RGS7: variants seen among roughly 807,000 people sequenced by gnomAD.
The protein encoded by RGS7 is regulator of G-protein signaling 7.
Under a neutral mutation model 81.1 loss-of-function variants are expected in RGS7, and 27 were observed. The observed-to-expected ratio is 0.33, with a 90% CI of 0.25 to 0.46. RGS7 has a LOEUF of 0.46. Among genes scored for constraint, RGS7 ranks in the 20% least tolerant of loss-of-function variants. RGS7 has a pLI of 1.00. For missense variants in RGS7, 396 were observed against 607.4 expected (o/e 0.65, Z 3.66); for synonymous variants, 208 against 207.7 (o/e 1.00, Z -0.01).
chr1:240,884,403 G>A (rs1240159202), intron 6 of RGS7, among the ~76,000 whole-genome samples: 18 of 152,282 alleles, frequency 1.2e-4, no homozygotes, highest in Non-Finnish European at 1.5e-5. Context: ...CTAATTCAGC[G>A]TTCAAGGTAA....
intron 11 of RGS7, among the ~76,000 whole-genome samples, chr1:240,815,853 A>C (rs1690715467): frequency 6.6e-6 from 1 of 152,230 alleles, no homozygotes; most frequent in Admixed American, 6.5e-5. Context: ...AGTGGTGATA[A>C]GAAAAAACTT....
chr1:240,837,324 C>G (rs1307697460), intron 9 of RGS7, among the ~76,000 whole-genome samples: 1 of 152,158 alleles, frequency 6.6e-6, no homozygotes, highest in Non-Finnish European at 1.5e-5. Flanking sequence ...TGATTATTTC[C>G]CTACAAAAAG....
chr1:240,908,054 A>G (rs1011183127), intron 6 of RGS7, among the ~76,000 whole-genome samples: 1 of 151,832 alleles, frequency 6.6e-6, no homozygotes, highest in Admixed American at 6.6e-5. Context: ...CATAGCCACC[A>G]TGGTTAACTT....
At chr1:240,903,815 C>T (rs1670396589) in intron 6 of RGS7, among the ~76,000 whole-genome samples, 1 of 152,078 alleles carries the variant, frequency 6.6e-6, no homozygotes, top group Non-Finnish European at 1.5e-5. Flanking sequence ...TTAAAAAGAG[C>T]CTTGCACTTT....
intron 3 of RGS7, among the ~76,000 whole-genome samples, chr1:241,042,653 G>C (rs1368529236): frequency 6.6e-6 from 1 of 151,834 alleles, no homozygotes; most frequent in African/African-American, 2.4e-5. Context: ...GGCCGGGCCG[G>C]GCTTGGCCGG....
At position 241,180,250 on chromosome 1, in the gene RGS7, C is replaced by T. The variant is rs1468821698; in HGVS notation, c.79-81488G>A. ...ATTAGCCGGGCCTGGTGGCGGGTGC[C>T]TGTAGTCTCAGCTACTCGGGAGGCT... On this transcript the variant is annotated intron_variant, in intron 2 of 18. Coordinates refer to ENST00000440928, the MANE Select transcript of RGS7 (RefSeq NM_001364886.1). Among the ~76,000 whole-genome samples the T allele has an allele frequency of 2.0e-5, 3 of 152,090 alleles. No individual in the cohort carries two copies. The East Asian group carries it at 5.8e-4, about 29-fold the overall frequency.
chr1:240,790,280 T>TA (rs1252667762), intron 18 of RGS7, among the ~76,000 whole-genome samples: 4 of 151,918 alleles, frequency 2.6e-5, no homozygotes, highest in Non-Finnish European at 4.4e-5. Context: ...AGGAAAGAAA[T>TA]AAAAAAATAA....
chr1:241,206,628 A>G (rs892407064), intron 2 of RGS7, among the ~76,000 whole-genome samples: 1 of 152,116 alleles, frequency 6.6e-6, no homozygotes, highest in African/African-American at 2.4e-5. Context: ...TATGTGCCCA[A>G]TCTTATTCTT....
At chr1:241,065,862 C>T (rs2062030625) in intron 3 of RGS7, among the ~76,000 whole-genome samples, 2 of 152,078 alleles carry the variant, frequency 1.3e-5, no homozygotes, top group Non-Finnish European at 2.9e-5. Flanking sequence ...TTAAATTAGG[C>T]TAATAATAGT....
chr1:241,036,982 C>T (rs1221973362), intron 3 of RGS7, among the ~76,000 whole-genome samples: 1 of 152,170 alleles, frequency 6.6e-6, no homozygotes, highest in African/African-American at 2.4e-5. Flanking sequence ...CCCTGAGTCA[C>T]AACCTGGAAG....
chr1:240,876,187 G>T (rs181360607), intron 6 of RGS7, among the ~76,000 whole-genome samples: 6 of 152,174 alleles, frequency 3.9e-5, no homozygotes, highest in Non-Finnish European at 8.8e-5. Context: ...GAATCCCATG[G>T]CCTACAAGTC....
At chr1:241,241,362 T>G (rs916353151) in intron 2 of RGS7, among the ~76,000 whole-genome samples, 1 of 151,844 alleles carries the variant, frequency 6.6e-6, no homozygotes, top group African/African-American at 2.4e-5. Flanking sequence ...AAAACCACAA[T>G]TACTTTTGCA....
intron 18 of RGS7, among the ~76,000 whole-genome samples, chr1:240,783,787 C>A (rs890415696): frequency 6.6e-6 from 1 of 151,986 alleles, no homozygotes; most frequent in East Asian, 1.9e-4. Context: ...CAACTTCCTA[C>A]ATTCTTCTCC....
intron 2 of RGS7, among the ~76,000 whole-genome samples, chr1:241,180,228 A>G (rs1033743473): frequency 5.9e-5 from 9 of 152,114 alleles, no homozygotes; most frequent in African/African-American, 2.2e-4. Flanking sequence ...ACAAAAAATT[A>G]GCCGGGCCTG....
chr1:241,053,883 A>G (rs2061365070), intron 3 of RGS7, among the ~76,000 whole-genome samples: 1 of 152,186 alleles, frequency 6.6e-6, no homozygotes, highest in Admixed American at 6.6e-5. Context: ...ACCATGTAAG[A>G]CATGTCTTTC....
chr1:240,866,399 T>C (rs1298378889), intron 9 of RGS7, among the ~76,000 whole-genome samples: 4 of 151,900 alleles, frequency 2.6e-5, no homozygotes, highest in Non-Finnish European at 4.4e-5. Flanking sequence ...TAGTCCCAGC[T>C]ACTCAGGAGG....
chr1:240,887,776 A>G (rs1051483500), intron 6 of RGS7, among the ~76,000 whole-genome samples: 18 of 152,198 alleles, frequency 1.2e-4, no homozygotes, highest in African/African-American at 4.3e-4. Context: ...TAAGTGTTTA[A>G]TGGATACCTC....
intron 3 of RGS7, among the ~76,000 whole-genome samples, chr1:241,094,091 A>C (rs2064075584): frequency 6.6e-6 from 1 of 152,146 alleles, no homozygotes; most frequent in Admixed American, 6.6e-5. Flanking sequence ...GCTACCAGTA[A>C]CCCAGTACTC....
intron 3 of RGS7, among the ~76,000 whole-genome samples, chr1:241,003,671 T>C (rs982973872): frequency 1.3e-5 from 2 of 152,112 alleles, no homozygotes; most frequent in Admixed American, 6.5e-5. Context: ...AGGACCCATT[T>C]CCAAACCCTC....
Sources: gnomAD v4.1 joint callset for allele counts (sites outside exome capture counted in the v4.1 genomes callset) on GRCh38, gnomAD v4.1.1 for gene constraint, MANE v1.5 for transcripts, NCBI Gene and HGNC (gene_info 2026-07-23, HGNC 2026-07-21) for gene names.